Variants in PCDHGB3 observed in about 807,000 individuals in gnomAD.
PCDHGB3 encodes protocadherin gamma-B3.
In PCDHGB3, 40 loss-of-function variants were observed where a neutral mutation model predicts 59.2. The observed-to-expected ratio is 0.68, with a 90% CI of 0.52 to 0.88. The LOEUF is 0.88. Among genes scored for constraint, PCDHGB3 ranks in the 40% least tolerant of loss-of-function variants. PCDHGB3 has a pLI of 0.00. For synonymous variants in PCDHGB3, 581 were observed against 503.6 expected (o/e 1.15, Z -2.06); for missense variants, 1,309 against 1,187.9 (o/e 1.10, Z -1.50).
rs377248872 is a variant in PCDHGB3 at position 141,489,231 on chromosome 5, C to T, written c.2416-5576C>T. 2 of 1,528,166 alleles carry T rather than the reference C, an allele frequency of 1.3e-6. No homozygotes were observed. The highest frequency in any genetic ancestry group is 1.4e-5 in the African/African-American group (1 of 72,140). The allele number at this position is 1,528,166 out of a possible 1,614,324, so 94.7% of individuals were successfully genotyped here. A position where few individuals can be genotyped will look rare whatever the true frequency, so the allele number is the denominator to read the frequency against. On this transcript the variant is annotated intron_variant, in intron 1 of 3. Transcript: ENST00000576222. This position sits in a 1 kb window ranked among gnomAD's most constrained non-coding sequence, Gnocchi z 4.5. ...CACAGACTTACTCTCCACAAAGGGA[C>T]TTCTGGGTCATGGGGCCCAAGACAC...
At chr5:141,433,877 A>G (rs1481965040) in intron 1 of PCDHGB3, among the ~76,000 whole-genome samples, 5 of 151,470 alleles carry the variant, frequency 3.3e-5, no homozygotes, top group Admixed American at 6.6e-5. Context: ...AGTTTCATCC[A>G]TTGATGACAC....
chr5:141,489,558 G>A lies in PCDHGB3; in HGVS notation c.2416-5249G>A. On this transcript the variant is annotated intron_variant, in intron 1 of 3. Coordinates refer to ENST00000576222, the MANE Select transcript of PCDHGB3 (RefSeq NM_018924.5). The surrounding 1 kb of genome is among the most constrained non-coding windows in gnomAD (Gnocchi z 4.5). ...CCAGCACCAGCTGCCTGCTGCCAGT[G>A]CAGGTGGTGACTGAACACCCCCTGG... 1 of 1,614,130 alleles carries A rather than the reference G, an allele frequency of 6.2e-7. No individual in the cohort carries two copies. Among genetic ancestry groups the A allele is most frequent in the Non-Finnish European group, 8.5e-7 (1 of 1,180,024 alleles).
intron 1 of PCDHGB3, chr5:141,374,182 C>T (rs1262335911): frequency 1.9e-6 from 3 of 1,613,736 alleles, no homozygotes; most frequent in Middle Eastern, 1.6e-4. Flanking sequence ...AGATCCGCTA[C>T]TCTATTCCCG....
At chr5:141,382,844 C>G (rs749994518) in intron 1 of PCDHGB3, 3 of 1,475,612 alleles carry the variant, frequency 2.0e-6, no homozygotes, top group Non-Finnish European at 2.7e-6. Flanking sequence ...CCGGATACAC[C>G]CGCATTCTGA....
rs758216933 is a variant in PCDHGB3 at position 141,487,377 on chromosome 5, C to A, written c.2416-7430C>A. The A allele has an allele frequency of 2.5e-6, 4 of 1,614,190 alleles. No individual in the cohort carries two copies. In the South Asian group the frequency reaches 3.3e-5, roughly 13 times the overall value. On this transcript the variant is annotated intron_variant, in intron 1 of 3. Transcript: ENST00000576222. This position sits in a 1 kb window ranked among gnomAD's most constrained non-coding sequence, Gnocchi z 5.0. ...CCTGCTGGCACCTGTGCCTGTCTCA[C>A]CAGATCTCGAAGGAGGGAGGGGCTT...
intron 1 of PCDHGB3, chr5:141,388,088 C>T (rs774450859): frequency 8.8e-6 from 12 of 1,368,276 alleles, no homozygotes; most frequent in Admixed American, 2.0e-5. Flanking sequence ...AACTGCGCGT[C>T]AGTTCGGAGA....
intron 1 of PCDHGB3, chr5:141,390,402 A>G: frequency 1.5e-6 from 2 of 1,321,630 alleles, no homozygotes; most frequent in Non-Finnish European, 2.1e-6. Flanking sequence ...CATTTTAGGA[A>G]AGTTGTAGTC....
At chr5:141,409,024 T>C (rs2095212064) in intron 1 of PCDHGB3, 2 of 1,613,988 alleles carry the variant, frequency 1.2e-6, no homozygotes, top group South Asian at 1.1e-5. Context: ...AGGGGGTCAA[T>C]GCTGAGATAA....
At chr5:141,383,515 C>G (rs749503295) in intron 1 of PCDHGB3, 1 of 1,612,350 alleles carries the variant, frequency 6.2e-7, no homozygotes, top group Non-Finnish European at 8.5e-7. Flanking sequence ...GGAGGAAGAG[C>G]GGGTTCACCA....
chr5:141,421,288 C>T, intron 1 of PCDHGB3: 1 of 1,613,312 alleles, frequency 6.2e-7, no homozygotes, highest in Non-Finnish European at 8.5e-7. Context: ...GTGCATTTTC[C>T]TGGGGACGCT....
chr5:141,403,370 G>T (rs752870915), intron 1 of PCDHGB3: 25 of 1,614,064 alleles, frequency 1.5e-5, no homozygotes, highest in Non-Finnish European at 1.9e-5. Flanking sequence ...AAGTCTGGAA[G>T]TAAAAATTAA....
At chr5:141,415,688 T>C (rs373105795) in intron 1 of PCDHGB3, 1 of 1,546,006 alleles carries the variant, frequency 6.5e-7, no homozygotes, top group Admixed American at 2.0e-5. Context: ...GGCATGATGG[T>C]GGAAAGTGTA....
chr5:141,410,189 G>T, intron 1 of PCDHGB3: 1 of 1,613,992 alleles, frequency 6.2e-7, no homozygotes, highest in Non-Finnish European at 8.5e-7. Flanking sequence ...GCTTCATCTG[G>T]TCTTCGCAGA....
At chr5:141,383,175 G>A in intron 1 of PCDHGB3, 1 of 1,614,114 alleles carries the variant, frequency 6.2e-7, no homozygotes, top group Non-Finnish European at 8.5e-7. Flanking sequence ...GGATAGACCG[G>A]GAAGAGATCT....
chr5:141,476,772 G>A lies in PCDHGB3; in HGVS notation c.2416-18035G>A. 1 of 1,613,650 alleles carries A rather than the reference G, an allele frequency of 6.2e-7. No homozygotes were observed. Among genetic ancestry groups the A allele is most frequent in the South Asian group, 1.1e-5 (1 of 91,086 alleles). ...CAGTTAGTGCTGACGGCGTTGGACG[G>A]AGGGACCCCAGCTCTCTCCGCCAGC... is the stretch of plus-strand genomic sequence containing the variant. On this transcript the variant is annotated intron_variant, in intron 1 of 3. Coordinates refer to ENST00000576222, the MANE Select transcript of PCDHGB3 (RefSeq NM_018924.5). The surrounding 1 kb of genome is among the most constrained non-coding windows in gnomAD (Gnocchi z 7.6).
At chr5:141,457,791 A>G (rs554446263) in intron 1 of PCDHGB3, among the ~76,000 whole-genome samples, 1 of 152,318 alleles carries the variant, frequency 6.6e-6, no homozygotes, top group South Asian at 2.1e-4. Flanking sequence ...GAGTTGGGTT[A>G]TCCTCTCCTC....
intron 1 of PCDHGB3, chr5:141,383,529 G>C (rs367939205): frequency 2.4e-5 from 39 of 1,612,356 alleles, no homozygotes; most frequent in Non-Finnish European, 3.1e-5. Flanking sequence ...TTCACCACCT[G>C]GTCCTCACAG....
At chr5:141,399,504 A>G (rs754910149) in intron 1 of PCDHGB3, 3 of 1,614,000 alleles carry the variant, frequency 1.9e-6, no homozygotes, top group Non-Finnish European at 2.5e-6. Context: ...GTGTACCCGA[A>G]AACAACCCTC....
intron 1 of PCDHGB3, chr5:141,393,417 A>C: frequency 6.2e-7 from 1 of 1,614,032 alleles, no homozygotes; most frequent in Non-Finnish European, 8.5e-7. Context: ...CGCCCTGGAC[A>C]GGGAGGAAGA....
Sources: gnomAD v4.1 joint callset for allele counts (sites outside exome capture counted in the v4.1 genomes callset) on GRCh38, gnomAD v4.1.1 for gene constraint, Gnocchi (gnomAD v3.1) non-coding constraint, MANE v1.5 for transcripts, NCBI Gene and HGNC (gene_info 2026-07-23, HGNC 2026-07-21) for gene names.